Variants in OXCT1 observed in about 807,000 individuals in gnomAD.
OXCT1 encodes the protein succinyl-CoA:3-ketoacid coenzyme A transferase 1, mitochondrial.
Under a neutral mutation model 69.6 loss-of-function variants are expected in OXCT1, and 27 were observed. The ratio of observed to expected loss-of-function variants is 0.39; its 90% CI spans 0.29 to 0.54. The LOEUF is 0.54. Among genes scored for constraint, OXCT1 ranks in the 20% least tolerant of loss-of-function variants. OXCT1 has a pLI of 0.72. For missense variants in OXCT1, 437 were observed against 650.2 expected, an observed-to-expected ratio of 0.67 and a Z score of 3.57; for synonymous variants, 202 against 217.8, an observed-to-expected ratio of 0.93 and a Z score of 0.64.
chr5:41,811,171 G>T (rs1470774609), intron 7 of OXCT1, among the ~76,000 whole-genome samples: 1 of 151,660 alleles, frequency 6.6e-6, no homozygotes, highest in East Asian at 1.9e-4. Context: ...ATGCAGAGGT[G>T]CTCTGGATGT....
intron 4 of OXCT1, among the ~76,000 whole-genome samples, chr5:41,852,452 A>C (rs1328760124): frequency 6.6e-6 from 1 of 152,238 alleles, no homozygotes; most frequent in Admixed American, 6.5e-5. Flanking sequence ...TGACTAAAAT[A>C]AAGCGGAGTG....
chr5:41,842,929 G>A, intron 5 of OXCT1, 148 bp from the exon 6 acceptor site: 1 of 712,158 alleles, frequency 1.4e-6, no homozygotes, highest in Non-Finnish European at 2.6e-6. Context: ...TCAAAGATAA[G>A]CAGTGTTAGG....
chr5:41,865,698 T>C (rs564154213), intron 1 of OXCT1, among the ~76,000 whole-genome samples: 2 of 152,268 alleles, frequency 1.3e-5, no homozygotes, highest in African/African-American at 4.8e-5. Context: ...TCTAGGAAAA[T>C]TACTTAACCA....
Position 41,826,280 on chromosome 5 carries a change from G to A in OXCT1, c.732+14171C>T, listed in dbSNP as rs146102522. Among the ~76,000 whole-genome samples, 10 of 152,280 alleles carry A rather than the reference G, an allele frequency of 6.6e-5. No individual in the cohort carries two copies. In the East Asian group the frequency reaches 1.3e-3, roughly 21 times the overall value. ...TCATGCACTAAGATTTTAGGAATCGGAGGCATTATGGAATTTTTATTTTCT... is the reference window on the plus strand; with the variant it reads ...TCATGCACTAAGATTTTAGGAATCGAAGGCATTATGGAATTTTTATTTTCT... On this transcript the variant is annotated intron_variant, in intron 7 of 16. Transcript: ENST00000196371.
intron 7 of OXCT1, among the ~76,000 whole-genome samples, chr5:41,813,522 C>A (rs1352673647): frequency 1.3e-5 from 2 of 152,070 alleles, no homozygotes; most frequent in Non-Finnish European, 2.9e-5. Context: ...AGCCTAGACC[C>A]CTGCTCTAAT....
At chr5:41,774,241 A>C (rs548967543) in intron 13 of OXCT1, among the ~76,000 whole-genome samples, 1 of 152,340 alleles carries the variant, frequency 6.6e-6, no homozygotes, top group Admixed American at 6.5e-5. Flanking sequence ...ATCCTTAGGA[A>C]AATGGTCTAA....
At chr5:41,853,594 A>C in intron 3 of OXCT1, 40 bp from the exon 4 acceptor site, 1 of 1,600,418 alleles carries the variant, frequency 6.2e-7, no homozygotes, top group African/African-American at 1.3e-5. Context: ...AGAGCATCTG[A>C]CAGAACACTA....
chr5:41,762,245 G>C lies in OXCT1; in HGVS notation c.1249-45C>G, dbSNP rs760488985. 7.2e-7 allele frequency: 1 copy of C among 1,398,076 alleles called. No individual in the cohort carries two copies. The highest frequency in any genetic ancestry group is 1.0e-6 in the Non-Finnish European group (1 of 983,102). The allele number at this position is 1,398,076 out of a possible 1,614,324, so 86.6% of individuals were successfully genotyped here. A position where few individuals can be genotyped will look rare whatever the true frequency, so the allele number is the denominator to read the frequency against. ...TAGCTCTGTATCTTTCACTTCTTTTGTATGTGACAGAACAAAATTAACTTG... is the reference window on the plus strand; with the variant it reads ...TAGCTCTGTATCTTTCACTTCTTTTCTATGTGACAGAACAAAATTAACTTG... On this transcript the variant is annotated intron_variant, in intron 13 of 16. Transcript: ENST00000196371. The surrounding 1 kb of genome is among the most constrained non-coding windows in gnomAD (Gnocchi z 4.0).
intron 7 of OXCT1, among the ~76,000 whole-genome samples, chr5:41,834,107 A>G (rs1179446669): frequency 6.6e-6 from 1 of 152,150 alleles, no homozygotes; most frequent in African/African-American, 2.4e-5. Flanking sequence ...ACGAGTTATA[A>G]GACAGTCTTT....
chr5:41,829,092 A>G (rs766838934), intron 7 of OXCT1, among the ~76,000 whole-genome samples: 15 of 152,282 alleles, frequency 9.9e-5, no homozygotes, highest in Admixed American at 8.5e-4. Flanking sequence ...GGCTCTCCTG[A>G]TGTCCTGAAT....
chr5:41,762,269 T>C lies in OXCT1; in HGVS notation c.1249-69A>G, dbSNP rs1242909192. The C allele has an allele frequency of 8.1e-7, 1 of 1,227,378 alleles. No homozygotes were observed. The highest frequency in any genetic ancestry group is 1.7e-5 in the Admixed American group (1 of 59,330). 76.0% of individuals were successfully genotyped at this position (1,227,378 alleles called of 1,614,324 possible). On this transcript the variant is annotated intron_variant, in intron 13 of 16. Coordinates refer to ENST00000196371, the MANE Select transcript of OXCT1 (RefSeq NM_000436.4). This position sits in a 1 kb window ranked among gnomAD's most constrained non-coding sequence, Gnocchi z 4.0. The stretch of plus-strand genomic sequence containing the variant: ...TGTATGTGACAGAACAAAATTAACT[T>C]GCAAAAATAAGCTACTAGAATCATT...
chr5:41,739,870 CAAAA>C (rs770217745), intron 15 of OXCT1: 52 of 80,296 alleles, frequency 6.5e-4, no homozygotes, highest in South Asian at 1.7e-3. Context: ...GACTCTGTCT[CAAAA>C]AAAAAAAAAA....
intron 13 of OXCT1, among the ~76,000 whole-genome samples, chr5:41,768,222 A>G (rs536245954): frequency 6.6e-5 from 10 of 152,264 alleles, no homozygotes; most frequent in African/African-American, 2.4e-4. Context: ...AGTTCTGGAC[A>G]ATGGAAAGTG....
Position 41,762,125 on chromosome 5 carries a change from C to T in OXCT1, c.1324G>A (p.Glu442Lys). Reference protein sequence around the residue: ...SAKTKVVVTMEHSAKGNAHKI... With the variant: ...SAKTKVVVTMKHSAKGNAHKI... ...GTACATGTTACCTTTGCAGAATGCT[C>T]CATGGTGACCACCACTTTGGTTTTC... The change falls in exon 14 of 17, where the codon GAG (glutamate) becomes AAG (lysine). Residue 442 changes from glutamate (E) to lysine (K), a missense_variant. Coordinates refer to ENST00000196371, the MANE Select transcript of OXCT1 (RefSeq NM_000436.4). The surrounding 1 kb of genome is among the most constrained non-coding windows in gnomAD (Gnocchi z 4.0). The T allele has an allele frequency of 6.2e-7, 1 of 1,611,564 alleles. No individual in the cohort carries two copies. The highest frequency in any genetic ancestry group is 8.5e-7 in the Non-Finnish European group (1 of 1,177,850).
rs374511708 is a variant in OXCT1, at chr5:41,863,079, ATT to A, written c.79-331_79-330del. The stretch of plus-strand genomic sequence containing the variant: ...ATTCTTATAACTTTTATTACAGTAT[ATT>A]GTTATAACTGTTCTATTATTAGTTA... On this transcript the variant is annotated intron_variant, in intron 1 of 16. Transcript: ENST00000196371. Among the ~76,000 whole-genome samples the A allele has an allele frequency of 2.0e-4, 30 of 152,254 alleles. No individual in the cohort carries two copies. In the South Asian group the frequency reaches 6.0e-3, roughly 30 times the overall value.
chr5:41,852,408 C>G (rs75755734), intron 4 of OXCT1, among the ~76,000 whole-genome samples: 2,001 of 152,256 alleles, frequency 0.013, 36 homozygotes, highest in African/African-American at 0.042. Context: ...TATGTTATTA[C>G]CAACTTGGCA....
At chr5:41,776,967 C>T (rs758815002) in intron 13 of OXCT1, among the ~76,000 whole-genome samples, 12 of 152,156 alleles carry the variant, frequency 7.9e-5, no homozygotes, top group African/African-American at 1.2e-4. Flanking sequence ...GACCTCTGTT[C>T]TATGACAAAT....
chr5:41,809,419 A>C (rs909293285), intron 7 of OXCT1, among the ~76,000 whole-genome samples: 1 of 152,056 alleles, frequency 6.6e-6, no homozygotes, highest in Non-Finnish European at 1.5e-5. Flanking sequence ...GAAAATAGAG[A>C]GTCTAAGAAA....
chr5:41,817,335 A>G (rs1376999518), intron 7 of OXCT1, among the ~76,000 whole-genome samples: 3 of 152,224 alleles, frequency 2.0e-5, no homozygotes, highest in Non-Finnish European at 2.9e-5. Flanking sequence ...ATGTTCTTAC[A>G]TGAATCACCT....
Sources: allele counts gnomAD v4.1 joint callset (sites outside exome capture counted in the v4.1 genomes callset), GRCh38; gene constraint gnomAD v4.1.1; non-coding constraint Gnocchi (gnomAD v3.1); transcripts MANE v1.5; gene names NCBI Gene and HGNC (gene_info 2026-07-23, HGNC 2026-07-21).